Variants in FNDC3A observed in about 807,000 individuals in gnomAD.
FNDC3A encodes the protein fibronectin type-III domain-containing protein 3A.
In FNDC3A, 32 loss-of-function variants were observed where a neutral mutation model predicts 148.9. The observed-to-expected ratio is 0.21, with a 90% confidence interval of 0.16 to 0.29. FNDC3A has a LOEUF of 0.29. Among genes scored for constraint, FNDC3A ranks in the 10% least tolerant of loss-of-function variants. The pLI, the probability that FNDC3A is intolerant of heterozygous loss-of-function variation, is 1.00. For synonymous variants in FNDC3A, 472 were observed against 473.6 expected, an observed-to-expected ratio of 1.00 and a Z score of 0.04; for missense variants, 1,191 against 1,452.8, an observed-to-expected ratio of 0.82 and a Z score of 2.93.
intron 2 of FNDC3A, among the ~76,000 whole-genome samples, chr13:49,065,714 G>C (rs999649094): frequency 1.9e-4 from 29 of 152,136 alleles, no homozygotes; most frequent in African/African-American, 7.0e-4. Flanking sequence ...TAAACATGAT[G>C]GTTTCTGGAT....
At chr13:49,104,543 GA>G (rs1160335634) in intron 3 of FNDC3A, among the ~76,000 whole-genome samples, 2 of 151,378 alleles carry the variant, frequency 1.3e-5, no homozygotes, top group Non-Finnish European at 1.5e-5. Flanking sequence ...AAAAAGAAAA[GA>G]AAAAAAAGAA....
intron 8 of FNDC3A, among the ~76,000 whole-genome samples, chr13:49,163,445 C>A (rs1479700493): frequency 6.6e-6 from 1 of 152,216 alleles, no homozygotes; most frequent in Non-Finnish European, 1.5e-5. Flanking sequence ...ATGCCAGGCC[C>A]TGGATATAAT....
chr13:49,125,899 C>T (rs1333056567), intron 4 of FNDC3A, among the ~76,000 whole-genome samples: 1 of 152,108 alleles, frequency 6.6e-6, no homozygotes, highest in Non-Finnish European at 1.5e-5. Flanking sequence ...AATTAGGTGG[C>T]ATCTGTGGTT....
At chr13:49,021,969 A>G (rs186643722) in intron 2 of FNDC3A, among the ~76,000 whole-genome samples, 263 of 152,358 alleles carry the variant, frequency 1.7e-3, no homozygotes, top group African/African-American at 6.2e-3. Context: ...TTTCTTCATC[A>G]TATGACTGTA....
intron 1 of FNDC3A, among the ~76,000 whole-genome samples, chr13:49,002,657 A>AGAGTTT (rs1952146360): frequency 1.3e-5 from 2 of 152,038 alleles, no homozygotes; most frequent in South Asian, 4.1e-4. Flanking sequence ...AACACCATAA[A>AGAGTTT]TTGGTTTTAT....
In FNDC3A at chr13:49,075,393, T is replaced by G. The variant is rs192888528; in HGVS notation, c.175+29T>G. 2.7e-4 allele frequency: 379 copies of G among 1,393,158 alleles called. 2 individuals are homozygous for G. In the African/African-American group the frequency reaches 4.9e-3, roughly 18 times the overall value. 86.3% of individuals were successfully genotyped at this position (1,393,158 alleles called of 1,614,324 possible). A position where few individuals can be genotyped will look rare whatever the true frequency, so the allele number is the denominator to read the frequency against. On this transcript the variant is annotated intron_variant, in intron 3 of 25. Coordinates refer to ENST00000492622, the MANE Select transcript of FNDC3A (RefSeq NM_001079673.2). ...AGAATGGTAATTGAGAATAATCATT[T>G]GAGACCAAATAAACCCCAAAAATTT...
intron 3 of FNDC3A, among the ~76,000 whole-genome samples, chr13:49,112,010 T>C (rs2146748): frequency 0.63 from 95,248 of 152,018 alleles, 30,401 homozygotes; most frequent in Non-Finnish European, 0.68. Context: ...TGTAACTACA[T>C]ATATATTCGT....
chr13:49,008,317 G>T (rs562211121), intron 2 of FNDC3A, among the ~76,000 whole-genome samples: 1 of 152,018 alleles, frequency 6.6e-6, no homozygotes, highest in South Asian at 2.1e-4. Context: ...AGGTGGGAGC[G>T]CAATAAACTT....
chr13:49,137,511 C>G (rs1882445742), intron 6 of FNDC3A, among the ~76,000 whole-genome samples: 1 of 151,942 alleles, frequency 6.6e-6, no homozygotes, highest in Non-Finnish European at 1.5e-5. Flanking sequence ...CGCCCAACTA[C>G]TTTTTGTATT....
chr13:49,039,038 A>G (rs1454248180), intron 2 of FNDC3A, among the ~76,000 whole-genome samples: 1 of 152,148 alleles, frequency 6.6e-6, no homozygotes, highest in East Asian at 1.9e-4. Context: ...CATCTGGTGC[A>G]CATCTTCTCA....
Position 48,978,891 on chromosome 13 carries a change from A to G in FNDC3A, c.-40+2714A>G, listed in dbSNP as rs76386600. 2.8e-3 allele frequency among the ~76,000 whole-genome samples: 424 copies of G among 152,250 alleles called. 1 individual carries two copies. The highest frequency in any genetic ancestry group is 0.027 in the Middle Eastern group (8 of 294). On this transcript the variant is annotated intron_variant, in intron 1 of 25. Transcript: ENST00000492622. ...ATTAATGTTGAAAGGCAAATTTTGT[A>G]CTTTTACATGTATTGTGAGCTTTTA...
At chr13:49,116,005 C>T (rs564715025) in intron 4 of FNDC3A, among the ~76,000 whole-genome samples, 2 of 152,296 alleles carry the variant, frequency 1.3e-5, no homozygotes, top group African/African-American at 4.8e-5. Flanking sequence ...GAAGACTGTT[C>T]TCTAGCATAG....
chr13:48,991,475 C>T (rs890305731), intron 1 of FNDC3A, among the ~76,000 whole-genome samples: 16 of 151,826 alleles, frequency 1.1e-4, no homozygotes, highest in African/African-American at 3.9e-4. Flanking sequence ...TCAGTTGAGT[C>T]CAGGAGTTCG....
rs774859261 is a variant in FNDC3A at position 49,198,119 on chromosome 13, A to G, written c.2628A>G (p.Thr876=). 6 of 1,614,050 alleles carry G rather than the reference A, an allele frequency of 3.7e-6. No homozygotes were observed. Among genetic ancestry groups the G allele is most frequent in the African/African-American group, 1.3e-5 (1 of 74,924 alleles). ...AAAATCCCCATTATTCACCTTCTAC[A>G]TGCCTTGCAATAAGCTGGGAAAAGC... is the stretch of plus-strand genomic sequence containing the variant. The part of the protein sequence containing the change: ...EIENPHYSPS[T]CLAISWEKPC... The change falls in exon 22 of 26, where the codon ACA becomes ACG. Residue 876 remains threonine (T), a synonymous_variant. Transcript: ENST00000492622.
intron 2 of FNDC3A, among the ~76,000 whole-genome samples, chr13:49,043,665 C>A (rs1031251224): frequency 7.3e-5 from 11 of 151,600 alleles, no homozygotes; most frequent in Admixed American, 2.6e-4. Flanking sequence ...AAACTTTGGC[C>A]ATTTTTTTTT....
chr13:49,152,229 C>A (rs151281910), intron 8 of FNDC3A, among the ~76,000 whole-genome samples: 1 of 152,328 alleles, frequency 6.6e-6, no homozygotes, highest in African/African-American at 2.4e-5. Context: ...CACATCCTCT[C>A]TAGCACCTGT....
At chr13:48,988,325 C>T (rs1951844082) in intron 1 of FNDC3A, among the ~76,000 whole-genome samples, 1 of 152,168 alleles carries the variant, frequency 6.6e-6, no homozygotes, top group South Asian at 2.1e-4. Flanking sequence ...GAACTCTCCA[C>T]CCCAAAGCAT....
chr13:49,200,649 T>C (rs1386576148), intron 23 of FNDC3A, among the ~76,000 whole-genome samples: 1 of 152,128 alleles, frequency 6.6e-6, no homozygotes, highest in African/African-American at 2.4e-5. Flanking sequence ...AATTCTATTA[T>C]AGAACTTCCA....
chr13:49,045,556 G>C (rs1875330776), intron 2 of FNDC3A: 1 of 326,426 alleles, frequency 3.1e-6, no homozygotes, highest in Admixed American at 4.4e-5. Flanking sequence ...TACTTCCTCA[G>C]TTTGAACAAG....
Sources: allele counts gnomAD v4.1 joint callset (sites outside exome capture counted in the v4.1 genomes callset), GRCh38; gene constraint gnomAD v4.1.1; transcripts MANE v1.5; gene names NCBI Gene and HGNC (gene_info 2026-07-23, HGNC 2026-07-21).